Variants in ST7L observed in about 807,000 individuals in gnomAD.
The protein encoded by ST7L is suppression of tumorigenicity 7 like, also known as suppressor of tumorigenicity 7 protein-like.
ST7L carries 57 observed loss-of-function variants against 72.5 expected under a neutral mutation model. The observed-to-expected ratio is 0.79, with a 90% CI of 0.64 to 0.98. ST7L has a LOEUF of 0.98. Ranked by LOEUF, ST7L falls within the 50% of genes least tolerant of loss-of-function variation. The pLI is 0.00. For missense variants in ST7L, 576 were observed against 672.2 expected (o/e 0.86, Z 1.58); for synonymous variants, 221 against 240.9 (o/e 0.92, Z 0.77).
intron 14 of ST7L, chr1:112,540,175 A>C: frequency 1.0e-6 from 1 of 985,416 alleles, no homozygotes; most frequent in South Asian, 4.7e-5. Flanking sequence ...GTATAGATCT[A>C]TTCCAGATTC....
At chr1:112,597,470 A>T (rs747694264) in intron 5 of ST7L, among the ~76,000 whole-genome samples, 3 of 152,212 alleles carry the variant, frequency 2.0e-5, no homozygotes, top group African/African-American at 4.8e-5. Context: ...CTGTCTTTAA[A>T]CCATAAAATT....
intron 6 of ST7L, among the ~76,000 whole-genome samples, chr1:112,589,288 T>A (rs1665322821): frequency 6.6e-6 from 1 of 152,080 alleles, no homozygotes; most frequent in African/African-American, 2.4e-5. Flanking sequence ...AGGGTCTCTT[T>A]ATGTTACCTA....
chr1:112,595,379 A>G (rs1291787551), intron 5 of ST7L, among the ~76,000 whole-genome samples: 3 of 149,750 alleles, frequency 2.0e-5, no homozygotes, highest in Non-Finnish European at 3.0e-5. Flanking sequence ...AGAAAAAAAA[A>G]AAAAAAAAAA....
chr1:112,528,174 G>C (rs1653772166), intron 14 of ST7L: 1 of 152,156 alleles, frequency 6.6e-6, no homozygotes, highest in African/African-American at 2.4e-5. Context: ...ATAGCTTTAT[G>C]TGTTTTATGA....
At chr1:112,535,933 A>C (rs1655137110) in intron 14 of ST7L, among the ~76,000 whole-genome samples, 1 of 152,128 alleles carries the variant, frequency 6.6e-6, no homozygotes, top group African/African-American at 2.4e-5. Context: ...CCAAAATCCC[A>C]GTTAGTAAAG....
chr1:112,577,176 CA>C, intron 10 of ST7L, 88 bp from the exon 11 acceptor site: 1 of 676,424 alleles, frequency 1.5e-6, no homozygotes, highest in Non-Finnish European at 2.2e-6. Flanking sequence ...CCCCTTGAAT[CA>C]AAAGAAGTTT....
At chr1:112,608,023 T>A (rs953615897) in intron 3 of ST7L, among the ~76,000 whole-genome samples, 7 of 151,920 alleles carry the variant, frequency 4.6e-5, no homozygotes, top group African/African-American at 1.5e-4. Context: ...CTTAAAAAAT[T>A]TTTTTTTCCC....
chr1:112,540,748 C>T, intron 14 of ST7L: 1 of 1,261,094 alleles, frequency 7.9e-7, no homozygotes, highest in Non-Finnish European at 1.0e-6. Flanking sequence ...AGAATGGAGG[C>T]ATATAGAGAA....
chr1:112,535,044 T>TAA (rs1320636530), intron 14 of ST7L, among the ~76,000 whole-genome samples: 1 of 152,086 alleles, frequency 6.6e-6, no homozygotes, highest in Admixed American at 6.5e-5. Flanking sequence ...AAAACTGAAT[T>TAA]AAACCCTGGG....
chr1:112,599,059 C>CAAAAAAAA (rs761424885), intron 4 of ST7L, among the ~76,000 whole-genome samples: 72 of 5,192 alleles, frequency 0.014, 12 homozygotes, highest in African/African-American at 0.019. Context: ...GACTCAGCCT[C>CAAAAAAAA]AAAAAAAAAA....
At position 112,550,618 on chromosome 1, in the gene ST7L, T is replaced by A; in HGVS notation, c.1472A>T (p.Asp491Val). 6.2e-7 allele frequency: 1 copy of A among 1,612,936 alleles called. No individual in the cohort carries two copies. Among genetic ancestry groups the A allele is most frequent in the Admixed American group, 1.7e-5 (1 of 59,992 alleles). ...YPYPSCTETA[D>V]RELLPTFHHV... ...TTACTTACTAGGTAATAGCTCTCTA[T>A]CAGCCGTCTCTGTGCAGCTGGGATA... The change falls in exon 13 of 15, where the codon GAT (aspartate) becomes GTT (valine). Residue 491 changes from aspartate (D) to valine (V), a missense_variant. Transcript: ENST00000358039.
intron 12 of ST7L, among the ~76,000 whole-genome samples, chr1:112,553,069 A>G (rs541538153): frequency 4.0e-5 from 6 of 151,652 alleles, no homozygotes; most frequent in African/African-American, 1.4e-4. Flanking sequence ...AAAAGAAAAG[A>G]TATTCATTGA....
At chr1:112,546,284 A>G (rs1223575612) in intron 13 of ST7L, among the ~76,000 whole-genome samples, 3 of 148,306 alleles carry the variant, frequency 2.0e-5, no homozygotes, top group Non-Finnish European at 4.4e-5. Context: ...GCACCACTGC[A>G]TTCCAGCCTG....
At chr1:112,546,907 T>C (rs2101487368) in intron 13 of ST7L, among the ~76,000 whole-genome samples, 1 of 151,576 alleles carries the variant, frequency 6.6e-6, no homozygotes, top group Non-Finnish European at 1.5e-5. Flanking sequence ...CTTGTATGTA[T>C]ATGTGTTAAG....
intron 11 of ST7L, among the ~76,000 whole-genome samples, chr1:112,574,010 A>G (rs1662624816): frequency 2.2e-5 from 3 of 134,332 alleles, no homozygotes; most frequent in Admixed American, 1.6e-4. Flanking sequence ...CATCTCTAGG[A>G]CTCAAGTGAT....
chr1:112,566,866 G>A (rs764946482), intron 11 of ST7L, among the ~76,000 whole-genome samples: 1 of 152,138 alleles, frequency 6.6e-6, no homozygotes, highest in Non-Finnish European at 1.5e-5. Context: ...CCTATTGAAG[G>A]ACATTGGGAT....
intron 11 of ST7L, among the ~76,000 whole-genome samples, chr1:112,568,367 T>G (rs532501988): frequency 2.0e-5 from 3 of 149,208 alleles, no homozygotes; most frequent in Admixed American, 2.0e-4. Context: ...GACGGAGTCT[T>G]GCTTTGTCGC....
At chr1:112,541,306 T>C (rs959828014) in intron 14 of ST7L, among the ~76,000 whole-genome samples, 15 of 149,094 alleles carry the variant, frequency 1.0e-4, no homozygotes, top group Non-Finnish European at 1.8e-4. Flanking sequence ...AAGTAAATAG[T>C]GATGGGATAC....
chr1:112,584,284 A>G (rs928410184), intron 6 of ST7L, among the ~76,000 whole-genome samples, 158 bp from the exon 7 acceptor site: 1 of 151,782 alleles, frequency 6.6e-6, no homozygotes, highest in Admixed American at 6.6e-5. Context: ...TAATAGGGGC[A>G]CATTGGTATA....
Sources: allele counts gnomAD v4.1 joint callset (sites outside exome capture counted in the v4.1 genomes callset), GRCh38; gene constraint gnomAD v4.1.1; transcripts MANE v1.5; gene names NCBI Gene and HGNC (gene_info 2026-07-23, HGNC 2026-07-21).